The following SEMA5B variants were observed in gnomAD, a reference collection of about 807,000 sequenced individuals.
The protein encoded by SEMA5B is semaphorin 5B, also known as semaphorin-5B.
In SEMA5B, 66 loss-of-function variants were observed where a neutral mutation model predicts 135.0. The ratio of observed to expected loss-of-function variants is 0.49; its 90% CI spans 0.40 to 0.60. SEMA5B has a LOEUF of 0.60. SEMA5B is among the 20% of genes least tolerant of loss of function. The pLI, the probability that SEMA5B is intolerant of heterozygous loss-of-function variation, is 0.00. For synonymous variants in SEMA5B, 690 were observed against 639.5 expected (o/e 1.08, Z -1.19); for missense variants, 1,501 against 1,566.3 (o/e 0.96, Z 0.70).
intron 1 of SEMA5B, among the ~76,000 whole-genome samples, chr3:122,962,617 T>C (rs1347695925): frequency 6.6e-6 from 1 of 152,222 alleles, no homozygotes; most frequent in African/African-American, 2.4e-5. Flanking sequence ...TTTTCCAAAG[T>C]GTTCTTTAAG....
At chr3:122,966,699 C>T (rs973277961) in intron 1 of SEMA5B, among the ~76,000 whole-genome samples, 7 of 150,186 alleles carry the variant, frequency 4.7e-5, no homozygotes, top group East Asian at 2.0e-4. Context: ...GGACTACAGG[C>T]CCCCGCCACC....
upstream of SEMA5B, among the ~76,000 whole-genome samples, chr3:123,028,005 C>G (rs1158328992): frequency 4.6e-5 from 7 of 152,140 alleles, no homozygotes; most frequent in Non-Finnish European, 1.0e-4. Context: ...CCCGGTGGGC[C>G]GAAGCCCCTT....
chr3:122,992,261 G>A lies in SEMA5B; in HGVS notation c.-38-30960C>T, dbSNP rs182547618. ...GACTCTGTGAAGCCCAGCAGCCCAC[G>A]GGTCAGGGGCTCCAGGGCAAAAGCA... is the stretch of plus-strand genomic sequence containing the variant. On this transcript the variant is annotated intron_variant, in intron 1 of 22. Coordinates refer to ENST00000357599, the MANE Select transcript of SEMA5B (RefSeq NM_001031702.4). 7.9e-5 allele frequency among the ~76,000 whole-genome samples: 12 copies of A among 152,294 alleles called. No individual in the cohort carries two copies. The East Asian group carries it at 1.2e-3, about 15-fold the overall frequency.
chr3:123,008,534 A>G (rs921353792), intron 1 of SEMA5B, among the ~76,000 whole-genome samples: 5 of 152,134 alleles, frequency 3.3e-5, no homozygotes, highest in African/African-American at 1.2e-4. Flanking sequence ...GGAGGAGAGG[A>G]GAGTGGAGGC....
chr3:122,951,036 C>A (rs1249841753), intron 2 of SEMA5B, among the ~76,000 whole-genome samples: 1 of 152,136 alleles, frequency 6.6e-6, no homozygotes, highest in African/African-American at 2.4e-5. Context: ...TGGACTCAAG[C>A]GATCCTTCCA....
At chr3:122,948,425 G>C in intron 3 of SEMA5B, 81 bp downstream of exon 3, 1 of 1,276,074 alleles carries the variant, frequency 7.8e-7, no homozygotes, top group Non-Finnish European at 1.1e-6. Context: ...CCAACAGCCA[G>C]AAACATCCTG....
chr3:122,950,180 C>T (rs138437012), intron 2 of SEMA5B, among the ~76,000 whole-genome samples: 296 of 152,292 alleles, frequency 1.9e-3, no homozygotes, highest in African/African-American at 6.1e-3. Flanking sequence ...TGACACTTAT[C>T]CTCACTCATA....
chr3:123,007,011 C>T (rs888376782), intron 1 of SEMA5B, among the ~76,000 whole-genome samples: 1 of 152,122 alleles, frequency 6.6e-6, no homozygotes, highest in African/African-American at 2.4e-5. Context: ...AACTTCCCAC[C>T]CAGAAAAGCA....
intron 7 of SEMA5B, 27 bp from the exon 8 acceptor site, chr3:122,928,030 C>G: frequency 2.1e-6 from 3 of 1,433,254 alleles, no homozygotes; most frequent in East Asian, 5.2e-5. Context: ...GAAGGGGACA[C>G]TTTTCCCTGA....
Position 122,915,790 on chromosome 3 carries a change from T to A in SEMA5B, c.1789A>T (p.Asn597Tyr). ...ATTCTCACAGGACAGGCGGTGATGT[T>A]CTGGGTCCAGAGGCTCATGTTGGAG... The part of the protein sequence containing the change: ...DSSNMSLWTQ[N>Y]ITACPVRNVT... The change falls in exon 13 of 23, where the codon AAC becomes TAC. Residue 597 changes from asparagine to tyrosine, a missense_variant. By Grantham distance (143) the Asn-to-Tyr change is moderately radical. Coordinates refer to ENST00000357599, the MANE Select transcript of SEMA5B (RefSeq NM_001031702.4). 3 of 1,614,096 alleles carry A rather than the reference T, an allele frequency of 1.9e-6. No homozygotes were observed. The highest frequency in any genetic ancestry group is 1.7e-6 in the Non-Finnish European group (2 of 1,179,984).
At chr3:123,001,010 C>A (rs1005269242) in intron 1 of SEMA5B, among the ~76,000 whole-genome samples, 3 of 152,184 alleles carry the variant, frequency 2.0e-5, no homozygotes, top group Non-Finnish European at 4.4e-5. Flanking sequence ...GGGGAGCCGG[C>A]TGATCCCCAG....
intron 3 of SEMA5B, 70 bp from the exon 4 acceptor site, chr3:122,943,605 A>G (rs1939661486): frequency 1.7e-6 from 2 of 1,165,876 alleles, no homozygotes; most frequent in Non-Finnish European, 1.3e-6. Context: ...GCAGCAGACC[A>G]CAGAACAGAA....
intron 6 of SEMA5B, 76 bp from the exon 7 acceptor site, chr3:122,928,691 C>T (rs940102073): frequency 9.2e-6 from 10 of 1,081,902 alleles, no homozygotes; most frequent in Admixed American, 2.2e-5. Flanking sequence ...CACACCACTG[C>T]GTCATGGATG....
Position 122,948,607 on chromosome 3 carries a change from A to T in SEMA5B, c.227T>A (p.Leu76Gln), listed in dbSNP as rs145228820. Residue 76 changes from leucine (L) to glutamine (Q), a missense_variant, in exon 3 of 23, where the codon CTG becomes CAG. Physicochemically the swap from Leu to Gln is moderately radical, Grantham distance 113. Transcript: ENST00000357599. Reference protein sequence around the residue: ...AVSLLLPSLTLLVSHLSSSQD... With the variant: ...AVSLLLPSLTQLVSHLSSSQD... ...GGAGCTGGAGAGGTGGGACACCAGC[A>T]GTGTGAGGCTGGGCAGCAACAGCGA... The T allele has an allele frequency of 9.7e-3, 15,640 of 1,614,058 alleles. 106 individuals carry two copies. The highest frequency in any genetic ancestry group is 0.011 in the Non-Finnish European group (12,839 of 1,179,956).
intron 12 of SEMA5B, among the ~76,000 whole-genome samples, chr3:122,916,467 G>T (rs1253904419): frequency 6.6e-6 from 1 of 152,168 alleles, no homozygotes; most frequent in Non-Finnish European, 1.5e-5. Context: ...GTGTTTAAAA[G>T]CTCCCTGGGT....
chr3:123,003,579 A>T (rs908076024), intron 1 of SEMA5B, among the ~76,000 whole-genome samples: 8 of 152,204 alleles, frequency 5.3e-5, no homozygotes, highest in Admixed American at 2.6e-4. Flanking sequence ...TCATGCCTGT[A>T]ATCCCAGCAC....
intron 1 of SEMA5B, among the ~76,000 whole-genome samples, chr3:122,974,300 C>T (rs1163619786): frequency 6.6e-6 from 1 of 152,256 alleles, no homozygotes; most frequent in Non-Finnish European, 1.5e-5. Flanking sequence ...CGCTCCTGCA[C>T]ACACACAGGT....
intron 8 of SEMA5B, among the ~76,000 whole-genome samples, 180 bp from the exon 9 acceptor site, chr3:122,926,857 C>T (rs1938662820): frequency 6.6e-6 from 1 of 152,330 alleles, no homozygotes; most frequent in Middle Eastern, 3.4e-3. Flanking sequence ...CCAAGGGCAG[C>T]TGTAATATTA....
chr3:122,975,599 CA>C (rs1941290745), intron 1 of SEMA5B, among the ~76,000 whole-genome samples: 1 of 152,230 alleles, frequency 6.6e-6, no homozygotes, highest in African/African-American at 2.4e-5. Flanking sequence ...TGCGGAAGCA[CA>C]TAGCACTGTC....
Sources: gnomAD v4.1 joint callset for allele counts (sites outside exome capture counted in the v4.1 genomes callset) on GRCh38, gnomAD v4.1.1 for gene constraint, MANE v1.5 for transcripts, NCBI Gene and HGNC (gene_info 2026-07-23, HGNC 2026-07-21) for gene names.